ZFAT: variants seen among roughly 807,000 people sequenced by gnomAD.
ZFAT encodes zinc finger protein ZFAT.
ZFAT carries 64 observed loss-of-function variants against 117.7 expected under a neutral mutation model. The observed-to-expected ratio is 0.54, with a 90% confidence interval of 0.44 to 0.67. ZFAT has a LOEUF of 0.67. Among genes scored for constraint, ZFAT ranks in the 30% least tolerant of loss-of-function variants. The pLI is 0.00. For synonymous variants in ZFAT, 679 were observed against 615.0 expected (o/e 1.10, Z -1.54); for missense variants, 1,433 against 1,584.5 (o/e 0.90, Z 1.62).
chr8:134,632,840 A>G lies in ZFAT; in HGVS notation c.448+4621T>C, dbSNP rs187940782. Among the ~76,000 whole-genome samples, 12 of 152,324 alleles carry G rather than the reference A, an allele frequency of 7.9e-5. No homozygotes were observed. The East Asian group carries it at 1.7e-3, about 22-fold the overall frequency. On this transcript the variant is annotated intron_variant, in intron 3 of 15. Transcript: ENST00000377838. ...AGTGCATGAACACAGAATGCCCCCA[A>G]TCACACAAAAAAACACAAATAACTA... is the stretch of plus-strand genomic sequence containing the variant.
At chr8:134,776,107 G>A in the ZFAT span, among the ~76,000 whole-genome samples, 1 of 152,250 alleles carries the variant, frequency 6.6e-6, no homozygotes, top group East Asian at 1.9e-4. Context: ...CTCTTAAATA[G>A]AAACAGAAGA....
chr8:134,821,018 A>G, the ZFAT span, among the ~76,000 whole-genome samples: 1 of 152,216 alleles, frequency 6.6e-6, no homozygotes, highest in Non-Finnish European at 1.5e-5. Flanking sequence ...AAAGCTTGCA[A>G]TGAAGTTCTA....
the ZFAT span, among the ~76,000 whole-genome samples, chr8:134,801,950 T>C: frequency 7.5e-4 from 115 of 152,360 alleles, 1 homozygote; most frequent in African/African-American, 2.6e-3. Flanking sequence ...CACATTCTTA[T>C]GTTCCACCCC....
intron 15 of ZFAT, among the ~76,000 whole-genome samples, chr8:134,499,500 T>C (rs1162883822): frequency 7.1e-6 from 1 of 140,594 alleles, no homozygotes; most frequent in African/African-American, 2.8e-5. Flanking sequence ...TTTGGTAGGG[T>C]TGGCATGGAG....
intron 11 of ZFAT, among the ~76,000 whole-genome samples, chr8:134,546,985 A>T (rs541452986): frequency 6.6e-6 from 1 of 152,336 alleles, no homozygotes; most frequent in Admixed American, 6.5e-5. Context: ...GCAATAGAGG[A>T]AGATGAGCTC....
the ZFAT span, among the ~76,000 whole-genome samples, chr8:134,743,869 T>C: frequency 6.6e-6 from 1 of 152,192 alleles, no homozygotes; most frequent in South Asian, 2.1e-4. Flanking sequence ...CTGCCAGAAT[T>C]AAGACTGCCT....
At chr8:134,794,264 A>G in the ZFAT span, 2 of 152,368 alleles carry the variant, frequency 1.3e-5, no homozygotes, top group Non-Finnish European at 1.5e-5. Context: ...TCAGTGTTTT[A>G]TAAGTACTGA....
At chr8:134,769,875 T>C in the ZFAT span, among the ~76,000 whole-genome samples, 1 of 152,248 alleles carries the variant, frequency 6.6e-6, no homozygotes, top group South Asian at 2.1e-4. Flanking sequence ...ATGTGGAAGC[T>C]GCCAAACCTT....
chr8:134,538,639 A>G (rs1030251180), intron 11 of ZFAT, among the ~76,000 whole-genome samples: 1 of 152,052 alleles, frequency 6.6e-6, no homozygotes, highest in Non-Finnish European at 1.5e-5. Flanking sequence ...TCTACTAAAA[A>G]TACAAAAATT....
intron 3 of ZFAT, among the ~76,000 whole-genome samples, chr8:134,617,501 C>T (rs1315673022): frequency 1.3e-5 from 2 of 152,184 alleles, no homozygotes; most frequent in Non-Finnish European, 2.9e-5. Flanking sequence ...TGACAACACA[C>T]TAAGAACCAC....
At chr8:134,486,361 G>A (rs1163396591) in intron 15 of ZFAT, among the ~76,000 whole-genome samples, 1 of 152,108 alleles carries the variant, frequency 6.6e-6, no homozygotes, top group Non-Finnish European at 1.5e-5. Context: ...TTTTTCAGGG[G>A]AAAGAAACTC....
chr8:134,633,662 A>C (rs1291699568), intron 3 of ZFAT, among the ~76,000 whole-genome samples: 3 of 152,228 alleles, frequency 2.0e-5, no homozygotes, highest in Non-Finnish European at 4.4e-5. Context: ...GCTCACAACC[A>C]GCTCCACCAC....
At chr8:134,587,940 A>G (rs1339941660) in intron 9 of ZFAT, among the ~76,000 whole-genome samples, 1 of 152,216 alleles carries the variant, frequency 6.6e-6, no homozygotes, top group East Asian at 1.9e-4. Flanking sequence ...CCTGCCATGA[A>G]TAAGTCTCCG....
chr8:134,487,028 A>G (rs1360711677), intron 15 of ZFAT, among the ~76,000 whole-genome samples: 1 of 152,142 alleles, frequency 6.6e-6, no homozygotes, highest in Non-Finnish European at 1.5e-5. Flanking sequence ...ATGTGTCCAT[A>G]TATTTGCATA....
chr8:134,710,483 C>T (rs1039153120), intron 1 of ZFAT, among the ~76,000 whole-genome samples: 3 of 152,212 alleles, frequency 2.0e-5, no homozygotes, highest in African/African-American at 7.2e-5. Context: ...GCCCCAACTT[C>T]TTTGGACGTA....
At chr8:134,551,021 G>A (rs906022850) in intron 11 of ZFAT, among the ~76,000 whole-genome samples, 2 of 152,104 alleles carry the variant, frequency 1.3e-5, no homozygotes, top group Non-Finnish European at 2.9e-5. Flanking sequence ...AAAATGTTCT[G>A]GCTGCTAACT....
chr8:134,639,824 T>C (rs1276611334), intron 2 of ZFAT: 1 of 455,850 alleles, frequency 2.2e-6, no homozygotes, highest in African/African-American at 2.0e-5. Context: ...AAGAGTTTAC[T>C]GAAGCCTGCG....
chr8:134,714,956 C>T (rs1471297752), upstream of ZFAT, among the ~76,000 whole-genome samples: 8 of 152,162 alleles, frequency 5.3e-5, no homozygotes, highest in Non-Finnish European at 7.4e-5. Context: ...TGGGGCCCAT[C>T]AGAATCTTTA....
chr8:134,604,969 C>A (rs1301206400), intron 5 of ZFAT, among the ~76,000 whole-genome samples: 1 of 152,190 alleles, frequency 6.6e-6, no homozygotes, highest in Non-Finnish European at 1.5e-5. Flanking sequence ...CAAGACTTTG[C>A]ATATTTTCTC....
Sources: gnomAD v4.1 joint callset for allele counts (sites outside exome capture counted in the v4.1 genomes callset) on GRCh38, gnomAD v4.1.1 for gene constraint, MANE v1.5 for transcripts, NCBI Gene and HGNC (gene_info 2026-07-23, HGNC 2026-07-21) for gene names.